KDR: variants seen among roughly 807,000 people sequenced by gnomAD.
KDR encodes kinase insert domain receptor.
Under a neutral mutation model 160.9 loss-of-function variants are expected in KDR, and 43 were observed. The observed-to-expected ratio is 0.27, with a 90% CI of 0.21 to 0.34. The LOEUF is 0.34. Among genes scored for constraint, KDR ranks in the 10% least tolerant of loss-of-function variants. KDR has a pLI of 1.00. For missense variants in KDR, 1,469 were observed against 1,666.4 expected (o/e 0.88, Z 2.06); for synonymous variants, 617 against 600.1 (o/e 1.03, Z -0.41).
chr4:55,080,019 C>T lies in KDR; in HGVS notation c.3993G>A (p.Glu1331=). Residue 1331 remains glutamate (E), a synonymous_variant, in exon 30 of 30, where the codon GAG becomes GAA. Transcript: ENST00000263923. ...CTGTGCTACCGGTTTGCACTCCAAT[C>T]TCTATCAGCTTTAAAAGTTCTGCTT... ...SEEAELLKLI[E]IGVQTGSTAQ... The T allele has an allele frequency of 1.2e-6, 2 of 1,614,204 alleles. No homozygotes were observed. Among genetic ancestry groups the T allele is most frequent in the East Asian group, 4.5e-5 (2 of 44,874 alleles).
Position 55,118,764 on chromosome 4 carries a change from A to T in KDR, c.198T>A (p.Asn66Lys), listed in dbSNP as rs62638746. The change falls in exon 3 of 30, where the codon AAT becomes AAA. Residue 66 changes from asparagine to lysine, a missense_variant. Transcript: ENST00000263923. The part of the protein sequence containing the change: ...QRDLDWLWPN[N>K]QSGSEQRVEV... Reference sequence around the variant, plus strand: ...CCACCCTTTGCTCACTGCCACTCTGATTATTGGGCCAAAGCCAGTCCAAGT... The same window carrying T: ...CCACCCTTTGCTCACTGCCACTCTGTTTATTGGGCCAAAGCCAGTCCAAGT... 202 of 1,614,184 alleles carry T rather than the reference A, an allele frequency of 1.3e-4. 1 individual carries two copies. The African/African-American group carries it at 2.4e-3, about 19-fold the overall frequency.
intron 28 of KDR, 113 bp downstream of exon 28, chr4:55,082,423 G>A (rs1227882812): frequency 1.8e-5 from 14 of 798,060 alleles, no homozygotes; most frequent in African/African-American, 5.2e-5. Flanking sequence ...ACACACACTC[G>A]AGGGCAGCCT....
chr4:55,121,040 C>T, intron 2 of KDR, 57 bp downstream of exon 2: 1 of 1,192,058 alleles, frequency 8.4e-7, no homozygotes, highest in Admixed American at 1.7e-5. Context: ...ATTATTTCCA[C>T]TCAATAAACA....
At position 55,115,083 on chromosome 4, in the gene KDR, C is replaced by T. The variant is rs770095400; in HGVS notation, c.490-41G>A. 2.0e-6 allele frequency: 3 copies of T among 1,524,810 alleles called. No homozygotes were observed. In the East Asian group the frequency reaches 6.8e-5, roughly 35 times the overall value. 94.5% of individuals were successfully genotyped at this position (1,524,810 alleles called of 1,614,324 possible). A position where few individuals can be genotyped will look rare whatever the true frequency, so the allele number is the denominator to read the frequency against. On this transcript the variant is annotated intron_variant, in intron 4 of 29. Coordinates refer to ENST00000263923, the MANE Select transcript of KDR (RefSeq NM_002253.4). The stretch of plus-strand genomic sequence containing the variant: ...ACATATCAAATATTTAATCCAGTAC[C>T]AAAAATGAGAGCCATGTACAATGAT...
chr4:55,091,924 G>C (rs968990943), intron 22 of KDR, among the ~76,000 whole-genome samples: 2 of 152,098 alleles, frequency 1.3e-5, no homozygotes, highest in Non-Finnish European at 2.9e-5. Flanking sequence ...CCTTTGTTTG[G>C]CCTACTTTTC....
intron 2 of KDR, among the ~76,000 whole-genome samples, chr4:55,119,253 T>C (rs1172958794): frequency 6.6e-6 from 1 of 151,848 alleles, no homozygotes; most frequent in Non-Finnish European, 1.5e-5. Flanking sequence ...GATTGACATA[T>C]GATGAAAAGT....
rs41462045 is a variant in KDR at position 55,095,002 on chromosome 4, G to A, written c.2818-47C>T. 1.3e-4 allele frequency: 203 copies of A among 1,570,184 alleles called. 1 individual carries two copies. The East Asian group carries it at 2.3e-3, about 18-fold the overall frequency. Reference sequence around the variant, plus strand: ...AACAAACTCCTTGAATACAAAATGAGTCTTTAAAAGTTTACAACCTTTAAA... The same window carrying A: ...AACAAACTCCTTGAATACAAAATGAATCTTTAAAAGTTTACAACCTTTAAA... On this transcript the variant is annotated intron_variant, in intron 20 of 29. Coordinates refer to ENST00000263923, the MANE Select transcript of KDR (RefSeq NM_002253.4).
intron 9 of KDR, among the ~76,000 whole-genome samples, chr4:55,109,017 C>T (rs1720509460): frequency 6.6e-6 from 1 of 152,052 alleles, no homozygotes; most frequent in African/African-American, 2.4e-5. Flanking sequence ...CCTACTTATA[C>T]ACTTTCCAGT....
intron 7 of KDR, among the ~76,000 whole-genome samples, chr4:55,112,028 A>AT (rs1163906832): frequency 6.6e-6 from 1 of 152,244 alleles, no homozygotes; most frequent in Non-Finnish European, 1.5e-5. Context: ...TCCAAGGCTT[A>AT]TAAGTAGGAT....
intron 22 of KDR, 179 bp downstream of exon 22, chr4:55,092,438 G>T: frequency 1.6e-6 from 1 of 634,524 alleles, no homozygotes; most frequent in Non-Finnish European, 2.9e-6. Flanking sequence ...TTAATTTCAT[G>T]AACTCCTTAA....
Position 55,090,142 on chromosome 4 carries a change from A to G in KDR, c.3070-64T>C, listed in dbSNP as rs894072231. ...GCTGATCTCTTTCACATCTGTTGTG[A>G]CCTCATGCATCAAAAAAAAATCCCA... On this transcript the variant is annotated intron_variant, in intron 22 of 29. Transcript: ENST00000263923. 45 of 1,596,820 alleles carry G rather than the reference A, an allele frequency of 2.8e-5. No homozygotes were observed. The African/African-American group carries it at 5.5e-4, about 20-fold the overall frequency.
At position 55,081,090 on chromosome 4, in the gene KDR, C is replaced by A. The variant is rs184114901; in HGVS notation, c.3848+866G>T. Among the ~76,000 whole-genome samples, 557 of 152,322 alleles carry A rather than the reference C, an allele frequency of 3.7e-3. 15 individuals are homozygous for A. The highest frequency in any genetic ancestry group is 4.7e-3 in the Non-Finnish European group (320 of 68,026). ...CTTGCCGAATAAACATTTTTTGAAT[C>A]AATGAATGAAACATATCATTGACTT... On this transcript the variant is annotated intron_variant, in intron 29 of 29. Transcript: ENST00000263923.
intron 1 of KDR, among the ~76,000 whole-genome samples, chr4:55,123,733 A>G (rs1263615357): frequency 1.3e-5 from 2 of 152,210 alleles, no homozygotes; most frequent in African/African-American, 2.4e-5. Flanking sequence ...AAGCCCTTCT[A>G]TGTTCAAATC....
chr4:55,099,259 T>TC (rs1169843793), intron 15 of KDR, among the ~76,000 whole-genome samples: 3 of 151,984 alleles, frequency 2.0e-5, no homozygotes, highest in Admixed American at 1.3e-4. Context: ...CCTCTAGCCA[T>TC]CCCCCCTGCC....
At chr4:55,109,965 G>T (rs903510255) in intron 9 of KDR, among the ~76,000 whole-genome samples, 2 of 152,158 alleles carry the variant, frequency 1.3e-5, no homozygotes, top group African/African-American at 4.8e-5. Context: ...TTCAGAGTTG[G>T]AACGTGCCTG....
intron 26 of KDR, among the ~76,000 whole-genome samples, chr4:55,088,234 C>T (rs961317167): frequency 6.6e-6 from 1 of 152,094 alleles, no homozygotes; most frequent in Admixed American, 6.5e-5. Context: ...GGTTGCACAA[C>T]TTAATATTAT....
chr4:55,094,806 CTCT>C lies in KDR; in HGVS notation c.2964_2966del (p.Glu990del). The C allele has an allele frequency of 1.2e-6, 2 of 1,613,904 alleles. No homozygotes were observed. Among genetic ancestry groups the C allele is most frequent in the Non-Finnish European group, 1.7e-6 (2 of 1,179,816 alleles). On this transcript the variant is annotated inframe_deletion, in exon 21 of 30. Coordinates refer to ENST00000263923, the MANE Select transcript of KDR (RefSeq NM_002253.4). ...GCAGGAAGCACTAGCCAGTACCTTC[CTCT>C]TCTTCTACATCACTGAGGGACTTCT...
chr4:55,085,472 G>A (rs974414778), intron 27 of KDR, among the ~76,000 whole-genome samples: 1 of 152,168 alleles, frequency 6.6e-6, no homozygotes, highest in African/African-American at 2.4e-5. Context: ...ATGCGTAAGA[G>A]GATAGAACAA....
chr4:55,080,342 C>T (rs1158389237), intron 29 of KDR, among the ~76,000 whole-genome samples, 179 bp from the exon 30 acceptor site: 1 of 152,206 alleles, frequency 6.6e-6, no homozygotes, highest in Non-Finnish European at 1.5e-5. Context: ...TTTTCAGGTA[C>T]TCGCATGAAT....
Sources: allele counts gnomAD v4.1 joint callset (sites outside exome capture counted in the v4.1 genomes callset), GRCh38; gene constraint gnomAD v4.1.1; transcripts MANE v1.5; gene names NCBI Gene and HGNC (gene_info 2026-07-23, HGNC 2026-07-21).